ZFYVE16: variants seen among roughly 807,000 people sequenced by gnomAD.
ZFYVE16 encodes zinc finger FYVE-type containing 16.
Under a neutral mutation model 138.1 loss-of-function variants are expected in ZFYVE16, and 89 were observed. That is an observed-to-expected ratio of 0.64 (90% confidence interval 0.54 to 0.77). ZFYVE16 has a LOEUF of 0.77. Ranked by LOEUF, ZFYVE16 falls within the 30% of genes least tolerant of loss-of-function variation. The pLI, the probability that ZFYVE16 is intolerant of heterozygous loss-of-function variation, is 0.00. For synonymous variants in ZFYVE16, 596 were observed against 618.3 expected, an observed-to-expected ratio of 0.96 and a Z score of 0.53; for missense variants, 1,793 against 1,786.7, an observed-to-expected ratio of 1.00 and a Z score of -0.06.
At chr5:80,447,404 G>T (rs1751496540) in intron 7 of ZFYVE16, among the ~76,000 whole-genome samples, 1 of 152,072 alleles carries the variant, frequency 6.6e-6, no homozygotes, top group South Asian at 2.1e-4. Flanking sequence ...ATTACCATGG[G>T]TATGTTTCCT....
chr5:80,441,862 G>T (rs1561284427), intron 5 of ZFYVE16: 1 of 985,248 alleles, frequency 1.0e-6, no homozygotes, highest in Non-Finnish European at 1.2e-6. Context: ...TTGGAGAAAT[G>T]CTGAAGGGAG....
intron 15 of ZFYVE16, among the ~76,000 whole-genome samples, chr5:80,461,812 A>C (rs1753148643): frequency 6.6e-6 from 1 of 152,232 alleles, no homozygotes; most frequent in South Asian, 2.1e-4. Context: ...CTCTACTAAA[A>C]ATACAAAAAG....
At chr5:80,473,894 T>G (rs1390391693) in intron 17 of ZFYVE16, 35 bp downstream of exon 17, 1 of 1,520,038 alleles carries the variant, frequency 6.6e-7, no homozygotes, top group South Asian at 1.1e-5. Flanking sequence ...ACATGCTGTG[T>G]TTCAATATGA....
intron 15 of ZFYVE16, among the ~76,000 whole-genome samples, chr5:80,470,102 T>TGTGTGTGTG (rs1491134484): frequency 1.5e-4 from 3 of 20,294 alleles, no homozygotes; most frequent in Non-Finnish European, 7.3e-4. Flanking sequence ...TGTGTGTGTA[T>TGTGTGTGTG]TTTTTTTTTT....
At chr5:80,449,772 C>T in intron 9 of ZFYVE16, 59 bp downstream of exon 9, 1 of 1,491,484 alleles carries the variant, frequency 6.7e-7, no homozygotes, top group Non-Finnish European at 9.0e-7. Flanking sequence ...GAATTAATTA[C>T]ATCTTCAGGT....
rs1750513919 is a variant in ZFYVE16 at position 80,440,238 on chromosome 5, T to G, written c.2419+206T>G. The G allele has an allele frequency of 2.5e-6, 3 of 1,181,108 alleles. No homozygotes were observed. The East Asian group carries it at 1.2e-4, about 46-fold the overall frequency. The allele number at this position is 1,181,108 out of a possible 1,614,324, so 73.2% of individuals were successfully genotyped here. Reference sequence around the variant, plus strand: ...TACTACCAATCTGGAAAGGAAGCATTCAGTTTCTGGAGTGGCAGTTCATTA... The same window carrying G: ...TACTACCAATCTGGAAAGGAAGCATGCAGTTTCTGGAGTGGCAGTTCATTA... On this transcript the variant is annotated intron_variant, in intron 5 of 18. Coordinates refer to ENST00000505560, the MANE Select transcript of ZFYVE16 (RefSeq NM_001284236.3).
chr5:80,451,111 C>T (rs1383739535), intron 10 of ZFYVE16, among the ~76,000 whole-genome samples: 1 of 152,186 alleles, frequency 6.6e-6, no homozygotes, highest in East Asian at 1.9e-4. Context: ...TGTGCCTGGC[C>T]TGCCTCCTTG....
chr5:80,459,782 TAAATA>T (rs1475535081), intron 15 of ZFYVE16, among the ~76,000 whole-genome samples: 1 of 152,190 alleles, frequency 6.6e-6, no homozygotes, highest in Non-Finnish European at 1.5e-5. Flanking sequence ...ATTTAGGAGA[TAAATA>T]AAAGTGAAAT....
chr5:80,421,747 C>T (rs1281998835), intron 1 of ZFYVE16, among the ~76,000 whole-genome samples: 2 of 152,140 alleles, frequency 1.3e-5, no homozygotes, highest in Non-Finnish European at 2.9e-5. Flanking sequence ...CAGCTTTGTT[C>T]TTTTGGCTTA....
chr5:80,427,971 CA>C (rs386404254), intron 2 of ZFYVE16, among the ~76,000 whole-genome samples: 318 of 48,040 alleles, frequency 6.6e-3, no homozygotes, highest in African/African-American at 0.036. Flanking sequence ...GACTCCATCT[CA>C]AAAAAAAAAA....
chr5:80,458,484 A>C (rs561214686), intron 14 of ZFYVE16, among the ~76,000 whole-genome samples: 1 of 152,228 alleles, frequency 6.6e-6, no homozygotes, highest in South Asian at 2.1e-4. Flanking sequence ...TATTTGCTCC[A>C]TTCTATACCT....
At position 80,437,511 on chromosome 5, in the gene ZFYVE16, G is replaced by A; in HGVS notation, c.826G>A (p.Gly276Ser). 1 of 1,613,296 alleles carries A rather than the reference G, an allele frequency of 6.2e-7. No homozygotes were observed. Among genetic ancestry groups the A allele is most frequent in the Non-Finnish European group, 8.5e-7 (1 of 1,179,816 alleles). Residue 276 changes from glycine (G) to serine (S), a missense_variant, in exon 4 of 19, where the codon GGC (glycine) becomes AGC (serine). Transcript: ENST00000505560. ...SQPCGLLKDV[G>S]LVKEEVDVAV... ...GCCATGTGGATTACTAAAAGATGTT[G>A]GCTTAGTAAAAGAGGAAGTAGATGT...
chr5:80,407,653 G>A (rs1003655521), upstream of ZFYVE16, among the ~76,000 whole-genome samples: 1 of 152,234 alleles, frequency 6.6e-6, no homozygotes, highest in Non-Finnish European at 1.5e-5. Flanking sequence ...GGCCTAGCCC[G>A]CTGCCGGGAA....
At chr5:80,428,317 G>A (rs1255147564) in intron 2 of ZFYVE16, among the ~76,000 whole-genome samples, 1 of 152,196 alleles carries the variant, frequency 6.6e-6, no homozygotes, top group African/African-American at 2.4e-5. Context: ...CTGTTCTGCA[G>A]CCTCCGCTGC....
chr5:80,431,391 C>G (rs1748997741), intron 2 of ZFYVE16, among the ~76,000 whole-genome samples: 3 of 152,322 alleles, frequency 2.0e-5, no homozygotes, highest in African/African-American at 7.2e-5. Flanking sequence ...TTCAATGGCC[C>G]TTCATGCCAA....
intron 1 of ZFYVE16, among the ~76,000 whole-genome samples, chr5:80,414,182 T>A (rs141814031): frequency 6.6e-6 from 1 of 152,370 alleles, no homozygotes; most frequent in African/African-American, 2.4e-5. Context: ...ATGTGTCTTT[T>A]GTATTCTTTA....
chr5:80,438,828 G>A lies in ZFYVE16; in HGVS notation c.2143G>A (p.Gly715Arg). The change falls in exon 4 of 19, where the codon GGA becomes AGA. Residue 715 changes from glycine (G) to arginine (R), a missense_variant. Gly to Arg is a moderately radical substitution (Grantham distance 125, BLOSUM62 -2). Around this residue, in one of 2 missense-constraint regions of ZFYVE16, gnomAD observed 1,295 missense variants for 1,204.3 expected, o/e 1.08. Coordinates refer to ENST00000505560, the MANE Select transcript of ZFYVE16 (RefSeq NM_001284236.3). Reference protein sequence around the residue: ...YIDIESNSEGGSSFVTANEDS... With the variant: ...YIDIESNSEGRSSFVTANEDS... ...TGATATAGAAAGTAATTCTGAAGGTGGATCTAGTTTCGTAACTGCAAATGA... is the reference window on the plus strand; with the variant it reads ...TGATATAGAAAGTAATTCTGAAGGTAGATCTAGTTTCGTAACTGCAAATGA... The A allele has an allele frequency of 6.2e-7, 1 of 1,614,046 alleles. No homozygotes were observed. The highest frequency in any genetic ancestry group is 8.5e-7 in the Non-Finnish European group (1 of 1,179,942).
chr5:80,449,580 T>A lies in ZFYVE16; in HGVS notation c.3104-11T>A, dbSNP rs371505151. 6.2e-7 allele frequency: 1 copy of A among 1,601,528 alleles called. No homozygotes were observed. The highest frequency in any genetic ancestry group is 1.8e-5 in the Admixed American group (1 of 56,208). On this transcript the variant is annotated splice_polypyrimidine_tract_variant and intron_variant, in intron 8 of 18. Coordinates refer to ENST00000505560, the MANE Select transcript of ZFYVE16 (RefSeq NM_001284236.3). ...ATTTATCCTGATTAATATATTACTT[T>A]CATCATTTAGTGCCTGTAGTAGAAG...
intron 1 of ZFYVE16, among the ~76,000 whole-genome samples, 159 bp downstream of exon 1, chr5:80,408,312 C>T (rs368821911): frequency 1.3e-4 from 20 of 152,356 alleles, no homozygotes; most frequent in African/African-American, 4.6e-4. Flanking sequence ...TTTCCGAGCC[C>T]CCGGAGCTGG....
Sources: gnomAD v4.1 joint callset for allele counts (sites outside exome capture counted in the v4.1 genomes callset) on GRCh38, gnomAD v4.1.1 for gene constraint, gnomAD v4.1.1 regional missense constraint, MANE v1.5 for transcripts, NCBI Gene and HGNC (gene_info 2026-07-23, HGNC 2026-07-21) for gene names.